The following CCDC7 variants were observed in gnomAD, a reference collection of about 807,000 sequenced individuals.
The protein encoded by CCDC7 is coiled-coil domain containing 7.
CCDC7 carries 183 observed loss-of-function variants against 196.9 expected under a neutral mutation model. The observed-to-expected ratio is 0.93, with a 90% CI of 0.82 to 1.05. The LOEUF (loss-of-function observed/expected upper bound fraction) is 1.05. CCDC7 is among the 50% of genes least tolerant of loss of function. The pLI is 0.00. For missense variants in CCDC7, 1,540 were observed against 1,482.2 expected (o/e 1.04, Z -0.64); for synonymous variants, 525 against 484.6 (o/e 1.08, Z -1.10).
At chr10:32,702,309 T>C (rs2078897927) in intron 24 of CCDC7, among the ~76,000 whole-genome samples, 1 of 152,228 alleles carries the variant, frequency 6.6e-6, no homozygotes, top group African/African-American at 2.4e-5. Flanking sequence ...GGTTGTTCAG[T>C]TTCCATGTAG....
chr10:32,711,289 A>G (rs1227854903), intron 24 of CCDC7, among the ~76,000 whole-genome samples: 1 of 152,072 alleles, frequency 6.6e-6, no homozygotes, highest in African/African-American at 2.4e-5. Flanking sequence ...GCAATTACAA[A>G]TAATGCTGTA....
chr10:32,474,849 A>G (rs760304729), intron 8 of CCDC7, among the ~76,000 whole-genome samples: 1 of 152,202 alleles, frequency 6.6e-6, no homozygotes, highest in Non-Finnish European at 1.5e-5. Flanking sequence ...AAAGCACACT[A>G]TGGAATACAG....
At chr10:32,582,139 T>TATATATATATAC (rs1201465796) in intron 16 of CCDC7, among the ~76,000 whole-genome samples, 4 of 131,058 alleles carry the variant, frequency 3.1e-5, no homozygotes, top group African/African-American at 8.5e-5. Context: ...TATATATATA[T>TATATATATATAC]ACTTTTTTTT....
chr10:32,860,438 C>T (rs1003330352), intron 41 of CCDC7, among the ~76,000 whole-genome samples: 6 of 152,122 alleles, frequency 3.9e-5, no homozygotes, highest in Admixed American at 3.3e-4. Flanking sequence ...CTATTTATGA[C>T]AAAGCTACAG....
chr10:32,637,218 A>G (rs1425052957), intron 20 of CCDC7, among the ~76,000 whole-genome samples: 1 of 152,082 alleles, frequency 6.6e-6, no homozygotes, highest in Non-Finnish European at 1.5e-5. Flanking sequence ...TGCTGTGCAG[A>G]AGCTCTTTAG....
chr10:32,472,121 G>C (rs545353842), intron 6 of CCDC7, among the ~76,000 whole-genome samples: 2 of 152,270 alleles, frequency 1.3e-5, no homozygotes, highest in South Asian at 2.1e-4. Flanking sequence ...CCAAAGGTCA[G>C]GTAGTCTCAC....
intron 21 of CCDC7, among the ~76,000 whole-genome samples, chr10:32,671,588 T>C (rs2074069008): frequency 6.6e-6 from 1 of 152,238 alleles, no homozygotes; most frequent in South Asian, 2.1e-4. Flanking sequence ...TCTGCATTTC[T>C]TTGGGATCAG....
At chr10:32,874,283 C>CT (rs1307758990) in intron 41 of CCDC7, among the ~76,000 whole-genome samples, 1 of 151,330 alleles carries the variant, frequency 6.6e-6, no homozygotes, top group Non-Finnish European at 1.5e-5. Context: ...CAACTAAACT[C>CT]TTTTTTTACT....
chr10:32,726,024 C>G (rs1484399098), intron 25 of CCDC7, among the ~76,000 whole-genome samples: 1 of 152,060 alleles, frequency 6.6e-6, no homozygotes, highest in Non-Finnish European at 1.5e-5. Flanking sequence ...CATCCTTTTT[C>G]CTGCCCTGTT....
intron 20 of CCDC7, among the ~76,000 whole-genome samples, chr10:32,646,188 A>AT (rs1309222727): frequency 1.5e-5 from 2 of 130,560 alleles, no homozygotes; most frequent in South Asian, 2.4e-4. Flanking sequence ...TTTTAGGGCC[A>AT]TTTTTCCTAT....
chr10:32,823,882 G>A lies in CCDC7; in HGVS notation c.3182-636G>A, dbSNP rs147947589. Among the ~76,000 whole-genome samples, 14 of 152,194 alleles carry A rather than the reference G, an allele frequency of 9.2e-5. No homozygotes were observed. In the East Asian group the frequency reaches 9.6e-4, roughly 10 times the overall value. On this transcript the variant is annotated intron_variant, in intron 31 of 41. Coordinates refer to ENST00000639629, the Ensembl canonical transcript of CCDC7. ...TTTCTTCTTCCCAGCTGTAAAGTCC[G>A]CCTGCTAAAAGAACCAGAGAGAAGA... is the stretch of plus-strand genomic sequence containing the variant.
At chr10:32,482,834 T>A (rs1019267414) in intron 8 of CCDC7, among the ~76,000 whole-genome samples, 1 of 152,214 alleles carries the variant, frequency 6.6e-6, no homozygotes, top group Non-Finnish European at 1.5e-5. Context: ...GAACTCATCC[T>A]TTTTTATGGC....
intron 33 of CCDC7, among the ~76,000 whole-genome samples, chr10:32,836,169 A>C (rs555906122): frequency 6.6e-6 from 1 of 152,206 alleles, no homozygotes; most frequent in South Asian, 2.1e-4. Flanking sequence ...TAACAGAGAA[A>C]TACGGGAAAG....
chr10:32,621,015 C>T (rs575351424), intron 18 of CCDC7, among the ~76,000 whole-genome samples: 1 of 152,256 alleles, frequency 6.6e-6, no homozygotes, highest in South Asian at 2.1e-4. Context: ...ACCTACTCTG[C>T]ACTATTCTTA....
intron 25 of CCDC7, among the ~76,000 whole-genome samples, chr10:32,724,675 G>A (rs1314306627): frequency 6.6e-6 from 1 of 152,050 alleles, no homozygotes; most frequent in Non-Finnish European, 1.5e-5. Context: ...TCAGAAGAAA[G>A]AAAATTGTCT....
intron 26 of CCDC7, 137 bp downstream of exon 27, chr10:32,726,969 T>G (rs528767836): frequency 2.5e-4 from 141 of 555,390 alleles, no homozygotes; most frequent in African/African-American, 2.4e-3. Context: ...AGTCTTAAGA[T>G]AAGTAGAGAG....
At chr10:32,479,495 A>G (rs2039580529) in intron 8 of CCDC7, among the ~76,000 whole-genome samples, 1 of 152,136 alleles carries the variant, frequency 6.6e-6, no homozygotes, top group South Asian at 2.1e-4. Context: ...TTATTCTAGT[A>G]ATACAGTATA....
intron 20 of CCDC7, among the ~76,000 whole-genome samples, chr10:32,655,007 A>G (rs1018666325): frequency 2.6e-5 from 4 of 152,120 alleles, no homozygotes; most frequent in African/African-American, 9.7e-5. Flanking sequence ...AGGGTGAGGG[A>G]TATTCTGGAC....
chr10:32,857,943 A>T (rs1207724484), intron 41 of CCDC7, among the ~76,000 whole-genome samples: 1 of 152,086 alleles, frequency 6.6e-6, no homozygotes, highest in Non-Finnish European at 1.5e-5. Flanking sequence ...GAAAATGAAG[A>T]CATTATAGTA....
Sources: allele counts gnomAD v4.1 joint callset (sites outside exome capture counted in the v4.1 genomes callset), GRCh38; gene constraint gnomAD v4.1.1; transcripts MANE v1.5; gene names NCBI Gene and HGNC (gene_info 2026-07-23, HGNC 2026-07-21).